The following CASZ1 variants were observed in gnomAD, a reference collection of about 807,000 sequenced individuals.
The protein encoded by CASZ1 is zinc finger protein castor homolog 1.
A neutral mutation model predicts 135.2 loss-of-function variants in CASZ1; 28 were observed. That is an observed-to-expected ratio of 0.21 (90% CI 0.15 to 0.28). The LOEUF (loss-of-function observed/expected upper bound fraction) is 0.28. CASZ1 is among the 10% of genes least tolerant of loss of function. The probability of loss-of-function intolerance (pLI) is 1.00; values close to 1 mark genes in which losing one functional copy is unlikely to be tolerated. For synonymous variants in CASZ1, 1,068 were observed against 1,073.4 expected (o/e 0.99, Z 0.10); for missense variants, 2,161 against 2,453.3 (o/e 0.88, Z 2.52).
At position 10,699,055 on chromosome 1, in the gene CASZ1, G is replaced by C. The variant is rs1639005009; in HGVS notation, c.-23-5143C>G. On this transcript the variant is annotated intron_variant, in intron 3 of 20. Coordinates refer to ENST00000377022, the MANE Select transcript of CASZ1 (RefSeq NM_001079843.3). The surrounding 1 kb of genome is among the most constrained non-coding windows in gnomAD (Gnocchi z 4.6). ...GGGAGCAAGATGGAGCCTGGGGTTG[G>C]GGGTGGACAGGTATCACACATGGCT... is the stretch of plus-strand genomic sequence containing the variant. 1.3e-5 allele frequency among the ~76,000 whole-genome samples: 2 copies of C among 152,178 alleles called. No homozygotes were observed. Among genetic ancestry groups the C allele is most frequent in the Non-Finnish European group, 2.9e-5 (2 of 68,028 alleles).
rs117224327 is a variant in CASZ1, at chr1:10,781,363, A to T, written c.-234+15201T>A. On this transcript the variant is annotated intron_variant, in intron 1 of 20. Coordinates refer to ENST00000377022, the MANE Select transcript of CASZ1 (RefSeq NM_001079843.3). Reference sequence around the variant, plus strand: ...TGCAAAGGCCACCTGCTCCTGGGGAAGGGCAAGGGCCACACTCCCGTCTGC... The same window carrying T: ...TGCAAAGGCCACCTGCTCCTGGGGATGGGCAAGGGCCACACTCCCGTCTGC... 9.8e-5 allele frequency among the ~76,000 whole-genome samples: 15 copies of T among 152,304 alleles called. 1 individual carries two copies. The East Asian group carries it at 2.9e-3, about 29-fold the overall frequency.
rs930527613 is a variant in CASZ1 at position 10,706,779 on chromosome 1, G to A, written c.-76-1235C>T. On this transcript the variant is annotated intron_variant, in intron 2 of 20. Transcript: ENST00000377022. This position sits in a 1 kb window ranked among gnomAD's most constrained non-coding sequence, Gnocchi z 4.3. ...AGGGCTCTGGGAGGGCTGAGAGCCC[G>A]GTGGGTTGGTGGTTAGGAAGTGCTG... is the stretch of plus-strand genomic sequence containing the variant. 3.9e-5 allele frequency among the ~76,000 whole-genome samples: 6 copies of A among 152,278 alleles called. No individual in the cohort carries two copies. Among genetic ancestry groups the A allele is most frequent in the South Asian group, 2.1e-4 (1 of 4,826 alleles).
In CASZ1 at chr1:10,756,450, C is replaced by T. The variant is rs529797822; in HGVS notation, c.-77+4251G>A. 2.0e-5 allele frequency among the ~76,000 whole-genome samples: 3 copies of T among 152,360 alleles called. No homozygotes were observed. Among genetic ancestry groups the T allele is most frequent in the African/African-American group, 4.8e-5 (2 of 41,588 alleles). On this transcript the variant is annotated intron_variant, in intron 2 of 20. Transcript: ENST00000377022. This position sits in a 1 kb window ranked among gnomAD's most constrained non-coding sequence, Gnocchi z 5.9. The stretch of plus-strand genomic sequence containing the variant: ...GCAAGGGCAAGTGCTCACGCGAGCC[C>T]GGCAGCCGGCTGTGACAGCTTCACG...
chr1:10,655,852 T>TC (rs777210735), intron 8 of CASZ1, 39 bp from the exon 9 acceptor site: 7 of 1,602,074 alleles, frequency 4.4e-6, no homozygotes, highest in Non-Finnish European at 6.0e-6. Flanking sequence ...GAGCCTGAGC[T>TC]CCCCCTCCGC....
rs1468249665 is a variant in CASZ1, at chr1:10,694,367, T to C, written c.-23-455A>G. 4.6e-6 allele frequency: 5 copies of C among 1,097,066 alleles called. No individual in the cohort carries two copies. The highest frequency in any genetic ancestry group is 3.3e-5 in the Admixed American group (1 of 30,402). 68.0% of individuals were successfully genotyped at this position (1,097,066 alleles called of 1,614,324 possible). ...TCATAATACTTAATTAATGCCTAAT[T>C]GCAACTGATTACTCCCCGAATAACA... On this transcript the variant is annotated intron_variant, in intron 3 of 20. Coordinates refer to ENST00000377022, the MANE Select transcript of CASZ1 (RefSeq NM_001079843.3). The surrounding 1 kb of genome is among the most constrained non-coding windows in gnomAD (Gnocchi z 6.6).
At chr1:10,682,886 C>T (rs1638472670) in intron 4 of CASZ1, among the ~76,000 whole-genome samples, 1 of 152,264 alleles carries the variant, frequency 6.6e-6, no homozygotes, top group Admixed American at 6.5e-5. Context: ...GCGTGGTGCG[C>T]TTGGTGTGGC....
intron 2 of CASZ1, among the ~76,000 whole-genome samples, chr1:10,754,356 C>A (rs1640206291): frequency 6.6e-6 from 1 of 152,188 alleles, no homozygotes; most frequent in Non-Finnish European, 1.5e-5. Context: ...GCCTCTTCTT[C>A]ATTTCGAGCA....
chr1:10,731,109 A>G (rs1038380446), intron 2 of CASZ1, among the ~76,000 whole-genome samples: 1 of 151,886 alleles, frequency 6.6e-6, no homozygotes, highest in Non-Finnish European at 1.5e-5. Context: ...CCGTCTAAAA[A>G]AAAAAATCAT....
chr1:10,650,106 C>T (rs1642514515), intron 13 of CASZ1: 1 of 152,426 alleles, frequency 6.6e-6, no homozygotes, highest in South Asian at 2.1e-4. Context: ...AGAGGTCCGG[C>T]CCGGGCCCGG....
chr1:10,702,173 C>A (rs1193530587), intron 3 of CASZ1, among the ~76,000 whole-genome samples: 1 of 152,070 alleles, frequency 6.6e-6, no homozygotes, highest in Admixed American at 6.5e-5. Flanking sequence ...CTGGGAGGAG[C>A]TGCTGCTGCC....
rs369023656 is a variant in CASZ1, at chr1:10,638,856, G to C, written c.*86C>G. The C allele has an allele frequency of 1.4e-5, 14 of 978,392 alleles. No homozygotes were observed. Among genetic ancestry groups the C allele is most frequent in the Non-Finnish European group, 1.7e-5 (14 of 824,496 alleles). 60.6% of individuals were successfully genotyped at this position (978,392 alleles called of 1,614,324 possible). On this transcript the variant is annotated 3_prime_UTR_variant, in exon 21 of 21. Coordinates refer to ENST00000377022, the MANE Select transcript of CASZ1 (RefSeq NM_001079843.3). The surrounding 1 kb of genome is among the most constrained non-coding windows in gnomAD (Gnocchi z 5.9). ...TCCGGAAGCACCGGCGGGGCGCGGGGCTCTGCCCAGGGGCCGCTTCGCGCG... is the reference window on the plus strand; with the variant it reads ...TCCGGAAGCACCGGCGGGGCGCGGGCCTCTGCCCAGGGGCCGCTTCGCGCG...
At chr1:10,743,902 G>C (rs953003947) in intron 2 of CASZ1, among the ~76,000 whole-genome samples, 1 of 151,772 alleles carries the variant, frequency 6.6e-6, no homozygotes. Context: ...GGGGCGGCGG[G>C]GGGAGGCAGG....
At chr1:10,786,478 C>T (rs1457956541) in intron 1 of CASZ1, among the ~76,000 whole-genome samples, 1 of 152,206 alleles carries the variant, frequency 6.6e-6, no homozygotes, top group Non-Finnish European at 1.5e-5. Flanking sequence ...AGAGCAAGCT[C>T]TCCCAGTTCC....
intron 2 of CASZ1, among the ~76,000 whole-genome samples, chr1:10,734,509 A>G (rs1639760147): frequency 6.6e-6 from 1 of 152,218 alleles, no homozygotes; most frequent in Non-Finnish European, 1.5e-5. Context: ...TCTCTAGGGC[A>G]TGTGGATTAG....
Position 10,640,074 on chromosome 1 carries a change from G to A in CASZ1, c.4163-15C>T. Reference sequence around the variant, plus strand: ...GATGGTGTTCCCTGGGGAGGGGCAGGGAGGTCAGTGCAGAAGAGGGACCCA... The same window carrying A: ...GATGGTGTTCCCTGGGGAGGGGCAGAGAGGTCAGTGCAGAAGAGGGACCCA... On this transcript the variant is annotated splice_polypyrimidine_tract_variant and intron_variant, in intron 20 of 20. Coordinates refer to ENST00000377022, the MANE Select transcript of CASZ1 (RefSeq NM_001079843.3). 1.3e-6 allele frequency: 2 copies of A among 1,597,144 alleles called. No individual in the cohort carries two copies. Among genetic ancestry groups the A allele is most frequent in the Non-Finnish European group, 1.7e-6 (2 of 1,175,424 alleles).
Position 10,755,930 on chromosome 1 carries a change from TGAG to T in CASZ1, c.-77+4768_-77+4770del, listed in dbSNP as rs1047394603. Among the ~76,000 whole-genome samples the T allele has an allele frequency of 1.8e-4, 27 of 149,660 alleles. No homozygotes were observed. The highest frequency in any genetic ancestry group is 1.5e-3 in the Admixed American group (23 of 15,074). ...CAGATCAAAGCCCTGGAGGATGGCA[TGAG>T]AACTGTCCAGTCCAGTTAGGAGTGA... On this transcript the variant is annotated intron_variant, in intron 2 of 20. Transcript: ENST00000377022. This position sits in a 1 kb window ranked among gnomAD's most constrained non-coding sequence, Gnocchi z 4.3.
chr1:10,677,432 C>T (rs1228356512), intron 4 of CASZ1, among the ~76,000 whole-genome samples: 2 of 152,098 alleles, frequency 1.3e-5, no homozygotes, highest in African/African-American at 4.8e-5. Flanking sequence ...AGCAGCTGCT[C>T]GTCCTGACCC....
chr1:10,668,543 T>C (rs984156799), intron 4 of CASZ1, among the ~76,000 whole-genome samples: 1 of 152,100 alleles, frequency 6.6e-6, no homozygotes, highest in African/African-American at 2.4e-5. Context: ...GGGGAGGGGC[T>C]GCCGAGGTGG....
At chr1:10,681,897 G>A (rs1468730517) in intron 4 of CASZ1, among the ~76,000 whole-genome samples, 3 of 151,246 alleles carry the variant, frequency 2.0e-5, no homozygotes, top group African/African-American at 4.9e-5. Flanking sequence ...ACCTCCAAAC[G>A]CCCTTCACAG....
Sources: allele counts gnomAD v4.1 joint callset (sites outside exome capture counted in the v4.1 genomes callset), GRCh38; gene constraint gnomAD v4.1.1; non-coding constraint Gnocchi (gnomAD v3.1); transcripts MANE v1.5; gene names NCBI Gene and HGNC (gene_info 2026-07-23, HGNC 2026-07-21).